Variants in TRDMT1 observed in about 807,000 individuals in gnomAD.
The protein encoded by TRDMT1 is tRNA aspartic acid methyltransferase 1, also known as tRNA (cytosine(38)-C(5))-methyltransferase.
In TRDMT1, 49 loss-of-function variants were observed where a neutral mutation model predicts 51.2. The ratio of observed to expected loss-of-function variants is 0.96; its 90% confidence interval spans 0.76 to 1.21. The LOEUF (loss-of-function observed/expected upper bound fraction) is 1.21, where lower values mean the gene tolerates loss of function less well. TRDMT1 is among the 50% of genes most tolerant of loss of function. The probability of loss-of-function intolerance (pLI) is 0.00; values close to 1 mark genes in which losing one functional copy is unlikely to be tolerated. For missense variants in TRDMT1, 534 were observed against 462.3 expected (o/e 1.16, Z -1.42); for synonymous variants, 187 against 164.6 (o/e 1.14, Z -1.04).
intron 1 of TRDMT1, among the ~76,000 whole-genome samples, chr10:17,198,826 A>T (rs1268858565): frequency 1.3e-5 from 2 of 152,240 alleles, no homozygotes; most frequent in African/African-American, 4.8e-5. Flanking sequence ...ACAATAAAAA[A>T]ATTCCATTAT....
Position 17,143,674 on chromosome 10 carries a change from A to T in TRDMT1, c.*5366T>A, listed in dbSNP as rs1427893491. 1.8e-5 allele frequency: 18 copies of T among 985,364 alleles called. No homozygotes were observed. Among genetic ancestry groups the T allele is most frequent in the Non-Finnish European group, 2.0e-5 (17 of 829,952 alleles). The allele number at this position is 985,364 out of a possible 1,614,324, so 61.0% of individuals were successfully genotyped here. A position where few individuals can be genotyped will look rare whatever the true frequency, so the allele number is the denominator to read the frequency against. On this transcript the variant is annotated 3_prime_UTR_variant, in exon 11 of 11. Transcript: ENST00000377799. ...TGCAAATATATGTGTGGGTGTTTTTAAATCTCAGTGACTTTTTATAAGTTT... is the reference window on the plus strand; with the variant it reads ...TGCAAATATATGTGTGGGTGTTTTTTAATCTCAGTGACTTTTTATAAGTTT...
rs11459461 is a variant in TRDMT1, at chr10:17,137,838, G to GAA, written c.*11200_*11201dup. Among the ~76,000 whole-genome samples the GAA allele has an allele frequency of 1.5e-5, 2 of 130,084 alleles. No individual in the cohort carries two copies. The highest frequency in any genetic ancestry group is 5.5e-5 in the African/African-American group (2 of 36,450). The allele number at this position is 130,084 out of a possible 152,430, so 85.3% of individuals were successfully genotyped here. On this transcript the variant is annotated 3_prime_UTR_variant, in exon 11 of 11. Coordinates refer to ENST00000377799, the MANE Select transcript of TRDMT1 (RefSeq NM_004412.7). ...GAGCGAAACTCTGCCAAAAAAAAAA[G>GAA]AAAAAAAAAAAAAGGTTGTTCCACT...
At chr10:17,169,384 T>C (rs7084476) in intron 2 of TRDMT1, 392,678 of 1,270,986 alleles carry the variant, frequency 0.31, 62,095 homozygotes, top group African/African-American at 0.43. Flanking sequence ...CATCTGTTAA[T>C]ATATTATCAA....
chr10:17,148,550 A>G lies in TRDMT1; in HGVS notation c.*490T>C. 1.0e-6 allele frequency: 1 copy of G among 983,864 alleles called. No individual in the cohort carries two copies. Among genetic ancestry groups the G allele is most frequent in the Non-Finnish European group, 1.2e-6 (1 of 828,502 alleles). 60.9% of individuals were successfully genotyped at this position (983,864 alleles called of 1,614,324 possible). A position where few individuals can be genotyped will look rare whatever the true frequency, so the allele number is the denominator to read the frequency against. ...ACTGAATGATGATAATTTGGTTTAC[A>G]TATCATATGCATTTGTTTAGATGAA... On this transcript the variant is annotated 3_prime_UTR_variant, in exon 11 of 11. Coordinates refer to ENST00000377799, the MANE Select transcript of TRDMT1 (RefSeq NM_004412.7).
In TRDMT1 at chr10:17,154,718, C is replaced by T; in HGVS notation, c.904G>A (p.Glu302Lys). 2 of 1,604,694 alleles carry T rather than the reference C, an allele frequency of 1.2e-6. No homozygotes were observed. Among genetic ancestry groups the T allele is most frequent in the South Asian group, 1.1e-5 (1 of 89,280 alleles). ...CFTKGYGSYI[E>K]GTGSVLQTAE... ...GTCTGTAACACAGACCCTGTCCCTT[C>T]TATGTAGCTTCCATATCTGAAAAAT... The change falls in exon 9 of 11, where the codon GAA becomes AAA. Residue 302 changes from glutamate to lysine, a missense_variant. By Grantham distance (56) the Glu-to-Lys change is moderately conservative. Coordinates refer to ENST00000377799, the MANE Select transcript of TRDMT1 (RefSeq NM_004412.7).
At chr10:17,173,232 T>A (rs1398370397) in intron 2 of TRDMT1, among the ~76,000 whole-genome samples, 4 of 152,306 alleles carry the variant, frequency 2.6e-5, no homozygotes, top group African/African-American at 9.6e-5. Context: ...GATTTGTACA[T>A]ATATGTTCAT....
At position 17,154,682 on chromosome 10, in the gene TRDMT1, C is replaced by A. The variant is rs763014908; in HGVS notation, c.940G>T (p.Val314Leu). 6.3e-7 allele frequency: 1 copy of A among 1,599,254 alleles called. No individual in the cohort carries two copies. The highest frequency in any genetic ancestry group is 8.5e-7 in the Non-Finnish European group (1 of 1,173,748). The change falls in exon 9 of 11, where the codon GTG becomes TTG. Residue 314 changes from valine (V) to leucine (L), a missense_variant. Coordinates refer to ENST00000377799, the MANE Select transcript of TRDMT1 (RefSeq NM_004412.7). ...CTTTAAAACATGCATAGTACCTGCA[C>A]ATCCTCTGCAGTCTGTAACACAGAC... Reference protein sequence around the residue: ...TGSVLQTAEDVQVENIYKSLT... With the variant: ...TGSVLQTAEDLQVENIYKSLT...
intron 1 of TRDMT1, among the ~76,000 whole-genome samples, chr10:17,187,476 C>T (rs951883096): frequency 7.9e-5 from 12 of 152,056 alleles, no homozygotes; most frequent in African/African-American, 2.9e-4. Context: ...TGTACTATAG[C>T]TTATTCATTA....
chr10:17,188,935 T>C (rs1273021917), intron 1 of TRDMT1, among the ~76,000 whole-genome samples: 2 of 152,210 alleles, frequency 1.3e-5, no homozygotes, highest in Non-Finnish European at 2.9e-5. Context: ...CTCCTAAAAA[T>C]TACTTCTAGA....
At chr10:17,184,150 AAC>A (rs1208217015) in intron 1 of TRDMT1, among the ~76,000 whole-genome samples, 2 of 152,204 alleles carry the variant, frequency 1.3e-5, no homozygotes, top group South Asian at 2.1e-4. Context: ...AAATAATAGA[AAC>A]ACATGTGATG....
intron 6 of TRDMT1, among the ~76,000 whole-genome samples, chr10:17,159,587 C>T (rs955551247): frequency 1.3e-5 from 2 of 151,982 alleles, no homozygotes; most frequent in African/African-American, 4.8e-5. Flanking sequence ...CTATTTATTA[C>T]CTCATTTTGT....
chr10:17,171,994 C>T (rs1842094334), intron 2 of TRDMT1: 1 of 166,950 alleles, frequency 6.0e-6, no homozygotes, highest in South Asian at 2.1e-4. Flanking sequence ...ACTCTGTCTT[C>T]GGTAGCTATC....
At chr10:17,185,869 A>G (rs545338407) in intron 1 of TRDMT1, among the ~76,000 whole-genome samples, 7 of 152,190 alleles carry the variant, frequency 4.6e-5, no homozygotes, top group East Asian at 1.9e-4. Flanking sequence ...GAACACTTGG[A>G]CACAGGGTGG....
chr10:17,147,967 T>A lies in TRDMT1; in HGVS notation c.*1073A>T, dbSNP rs1043854204. On this transcript the variant is annotated 3_prime_UTR_variant, in exon 11 of 11. Coordinates refer to ENST00000377799, the MANE Select transcript of TRDMT1 (RefSeq NM_004412.7). ...AACTTCCAATTTATCCACCTCTAAA[T>A]AGCTGATTTTTAAGAAGAAAAATTT... The A allele has an allele frequency of 1.0e-6, 1 of 981,626 alleles. No homozygotes were observed. Among genetic ancestry groups the A allele is most frequent in the Non-Finnish European group, 1.2e-6 (1 of 826,428 alleles). 60.8% of individuals were successfully genotyped at this position (981,626 alleles called of 1,614,324 possible). A position where few individuals can be genotyped will look rare whatever the true frequency, so the allele number is the denominator to read the frequency against.
intron 1 of TRDMT1, among the ~76,000 whole-genome samples, chr10:17,195,750 G>A (rs932093081): frequency 2.6e-5 from 4 of 152,074 alleles, no homozygotes; most frequent in Non-Finnish European, 4.4e-5. Flanking sequence ...TTCATCTTAC[G>A]TATTTCTTTT....
intron 3 of TRDMT1, among the ~76,000 whole-genome samples, chr10:17,165,060 A>G (rs1840989710): frequency 1.3e-5 from 2 of 152,208 alleles, no homozygotes; most frequent in Admixed American, 1.3e-4. Context: ...CCACATTGCC[A>G]AGTCAATCCT....
intron 1 of TRDMT1, among the ~76,000 whole-genome samples, chr10:17,193,615 T>C (rs752216258): frequency 1.3e-5 from 2 of 151,956 alleles, no homozygotes; most frequent in African/African-American, 4.8e-5. Context: ...AGGTGAAAGA[T>C]CTCTGCAAGG....
chr10:17,156,751 A>C (rs139598305), intron 8 of TRDMT1, among the ~76,000 whole-genome samples: 10 of 152,280 alleles, frequency 6.6e-5, no homozygotes, highest in African/African-American at 2.2e-4. Flanking sequence ...TTGTGCAGTG[A>C]AAAAAGGGGC....
At chr10:17,179,660 G>T (rs555419980) in intron 1 of TRDMT1, among the ~76,000 whole-genome samples, 1 of 150,950 alleles carries the variant, frequency 6.6e-6, no homozygotes, top group African/African-American at 2.4e-5. Flanking sequence ...TCTGGGAGAT[G>T]AATTGCAGGA....
Sources: allele counts gnomAD v4.1 joint callset (sites outside exome capture counted in the v4.1 genomes callset), GRCh38; gene constraint gnomAD v4.1.1; transcripts MANE v1.5; gene names NCBI Gene and HGNC (gene_info 2026-07-23, HGNC 2026-07-21).